MAP1LC3B: variants seen among roughly 807,000 people sequenced by gnomAD.
MAP1LC3B encodes the protein microtubule-associated protein 1 light chain 3 beta.
In MAP1LC3B, 12 loss-of-function variants were observed where a neutral mutation model predicts 16.7. The ratio of observed to expected loss-of-function variants is 0.72; its 90% confidence interval spans 0.46 to 1.16. The LOEUF (loss-of-function observed/expected upper bound fraction) is 1.16. MAP1LC3B is among the 50% of genes most tolerant of loss of function. The probability of loss-of-function intolerance (pLI) is 0.00; values close to 1 mark genes in which losing one functional copy is unlikely to be tolerated. For synonymous variants in MAP1LC3B, 63 were observed against 56.5 expected (o/e 1.11, Z -0.51); for missense variants, 155 against 159.5 (o/e 0.97, Z 0.15).
chr16:87,392,670 G>T, intron 1 of MAP1LC3B: 1 of 286,960 alleles, frequency 3.5e-6, no homozygotes, highest in South Asian at 1.5e-4. Flanking sequence ...GAGGGCCAGG[G>T]GCTGGTCTGG....
chr16:87,399,714 AAAC>A (rs1907919991), intron 2 of MAP1LC3B: 1 of 391,606 alleles, frequency 2.6e-6, no homozygotes, highest in South Asian at 1.8e-5. Flanking sequence ...AACTAAAAAA[AAAC>A]AAAATATTTT....
At chr16:87,402,344 C>T (rs896161375) in intron 3 of MAP1LC3B, 63 bp downstream of exon 3, 1 of 1,453,358 alleles carries the variant, frequency 6.9e-7, no homozygotes, top group Admixed American at 2.0e-5. Context: ...CTTTATGAAA[C>T]TTACAGTTAA....
At chr16:87,399,576 C>G (rs779798219) in intron 2 of MAP1LC3B, 1 of 450,244 alleles carries the variant, frequency 2.2e-6, no homozygotes, top group South Asian at 1.6e-5. Context: ...TCCTGCCACT[C>G]AACTTCTCTT....
At chr16:87,398,417 T>C (rs1907878692) in intron 1 of MAP1LC3B, among the ~76,000 whole-genome samples, 1 of 152,222 alleles carries the variant, frequency 6.6e-6, no homozygotes, top group Non-Finnish European at 1.5e-5. Flanking sequence ...TGGATTCCAT[T>C]TCCAACTTAA....
At chr16:87,402,362 G>A (rs1567501726) in intron 3 of MAP1LC3B, 81 bp downstream of exon 3, 3 of 1,310,854 alleles carry the variant, frequency 2.3e-6, no homozygotes, top group Non-Finnish European at 3.2e-6. Context: ...TAAATCTTTA[G>A]TTCTGGTTAA....
At chr16:87,397,155 A>G (rs1010869578) in intron 1 of MAP1LC3B, among the ~76,000 whole-genome samples, 1 of 152,140 alleles carries the variant, frequency 6.6e-6, no homozygotes. Context: ...TATATATTCA[A>G]TAGGAATATG....
chr16:87,402,864 C>G, intron 3 of MAP1LC3B, 59 bp from the exon 4 acceptor site: 1 of 1,595,104 alleles, frequency 6.3e-7, no homozygotes, highest in South Asian at 1.1e-5. Flanking sequence ...TATTTTAACA[C>G]ATGCTTCATC....
intron 1 of MAP1LC3B, 33 bp from the exon 2 acceptor site, chr16:87,398,782 T>A (rs372218843): frequency 4.4e-6 from 7 of 1,607,960 alleles, no homozygotes; most frequent in Non-Finnish European, 5.1e-6. Flanking sequence ...GCCTGGCCCT[T>A]AGTAATGCTT....
chr16:87,399,015 T>G (rs1020158676), intron 2 of MAP1LC3B, 145 bp downstream of exon 2: 28 of 668,736 alleles, frequency 4.2e-5, no homozygotes, highest in Non-Finnish European at 7.2e-5. Context: ...AGAGGTATCC[T>G]TTTTTTAAGA....
chr16:87,402,897 T>G (rs1257576631), intron 3 of MAP1LC3B, 26 bp from the exon 4 acceptor site: 2 of 1,613,252 alleles, frequency 1.2e-6, no homozygotes, highest in Admixed American at 1.7e-5. Flanking sequence ...TTGTCAATAT[T>G]TCTTCACGTT....
At chr16:87,402,613 G>GTT (rs1908034343) in intron 3 of MAP1LC3B, 2 of 536,742 alleles carry the variant, frequency 3.7e-6, no homozygotes, top group Non-Finnish European at 3.3e-6. Flanking sequence ...GTGAGTGGCA[G>GTT]TAAATGGCAC....
chr16:87,402,076 G>A (rs1043655276), intron 2 of MAP1LC3B, 99 bp from the exon 3 acceptor site: 2 of 1,095,186 alleles, frequency 1.8e-6, no homozygotes, highest in African/African-American at 3.2e-5. Flanking sequence ...ACCTCGTGAT[G>A]TGCCCGCCTC....
intron 2 of MAP1LC3B, chr16:87,399,359 C>A: frequency 3.7e-6 from 1 of 268,316 alleles, no homozygotes; most frequent in Non-Finnish European, 7.5e-6. Flanking sequence ...ACCACTTAAA[C>A]TCAGGCAGGT....
intron 2 of MAP1LC3B, among the ~76,000 whole-genome samples, chr16:87,401,498 G>A (rs548806038): frequency 2.0e-5 from 3 of 152,322 alleles, no homozygotes; most frequent in African/African-American, 7.2e-5. Flanking sequence ...CAGTTAGACT[G>A]TAGGAGGCAT....
chr16:87,392,394 TC>T lies in MAP1LC3B; in HGVS notation c.-33del. 1 of 1,414,662 alleles carries T rather than the reference TC, an allele frequency of 7.1e-7. No individual in the cohort carries two copies. Among genetic ancestry groups the T allele is most frequent in the Admixed American group, 3.3e-5 (1 of 30,222 alleles). The allele number at this position is 1,414,662 out of a possible 1,614,324, so 87.6% of individuals were successfully genotyped here. On this transcript the variant is annotated 5_prime_UTR_variant, in exon 1 of 4. Coordinates refer to ENST00000268607, the MANE Select transcript of MAP1LC3B (RefSeq NM_022818.5). ...CCCGGGAGCCGCCGGGACCCTCGCG[TC>T]GTCGCCGCCGCCGCCGCCCAGATCC... is the stretch of plus-strand genomic sequence containing the variant.
intron 2 of MAP1LC3B, chr16:87,399,826 T>G: frequency 7.2e-6 from 2 of 279,608 alleles, no homozygotes; most frequent in Non-Finnish European, 1.4e-5. Flanking sequence ...CAGGCTGGAG[T>G]GTAGTGGCGC....
At chr16:87,401,949 C>T (rs1232160408) in intron 2 of MAP1LC3B, among the ~76,000 whole-genome samples, 1 of 152,152 alleles carries the variant, frequency 6.6e-6, no homozygotes, top group African/African-American at 2.4e-5. Flanking sequence ...TCTCCTGCCT[C>T]AGCCTCCTGA....
rs529293534 is a variant in MAP1LC3B at position 87,399,865 on chromosome 16, C to T, written c.96+995C>T. On this transcript the variant is annotated intron_variant, in intron 2 of 3. Transcript: ENST00000268607. ...CTCGGCTCACTGCAACCTCCGCCTC[C>T]CAGGTTCAAGTGATTCTCCTGCCTC... Among the ~76,000 whole-genome samples the T allele has an allele frequency of 4.8e-3, 735 of 151,942 alleles. 9 individuals carry two copies. Among genetic ancestry groups the T allele is most frequent in the African/African-American group, 0.017 (711 of 41,448 alleles).
At chr16:87,398,963 AC>A in intron 2 of MAP1LC3B, 93 bp downstream of exon 2, 1 of 1,108,544 alleles carries the variant, frequency 9.0e-7, no homozygotes. Flanking sequence ...TACAGGAATC[AC>A]CAGACAGCCA....
Sources: allele counts gnomAD v4.1 joint callset (sites outside exome capture counted in the v4.1 genomes callset), GRCh38; gene constraint gnomAD v4.1.1; transcripts MANE v1.5; gene names NCBI Gene and HGNC (gene_info 2026-07-23, HGNC 2026-07-21).